Variants in GPR139 observed in about 807,000 individuals in gnomAD.
GPR139 encodes G protein-coupled receptor 139.
Under a neutral mutation model 25.8 loss-of-function variants are expected in GPR139, and 12 were observed. The observed-to-expected ratio is 0.47, with a 90% CI of 0.30 to 0.75. The LOEUF (loss-of-function observed/expected upper bound fraction) is 0.75. GPR139 is among the 30% of genes least tolerant of loss of function. The pLI, the probability that GPR139 is intolerant of heterozygous loss-of-function variation, is 0.07. For missense variants in GPR139, 380 were observed against 450.2 expected, an observed-to-expected ratio of 0.84 and a Z score of 1.41; for synonymous variants, 184 against 179.9, an observed-to-expected ratio of 1.02 and a Z score of -0.18.
intron 1 of GPR139, among the ~76,000 whole-genome samples, chr16:20,041,872 G>T (rs2057337835): frequency 6.6e-6 from 1 of 152,218 alleles, no homozygotes; most frequent in Non-Finnish European, 1.5e-5. Context: ...GTGGAGGTTA[G>T]GCAGTGGTAC....
chr16:20,056,989 G>T (rs1328214094), intron 1 of GPR139, among the ~76,000 whole-genome samples: 2 of 152,212 alleles, frequency 1.3e-5, no homozygotes, highest in African/African-American at 2.4e-5. Flanking sequence ...TGGGGAGAGG[G>T]TAATGGGGAT....
chr16:20,058,347 G>A (rs1426492890), intron 1 of GPR139, among the ~76,000 whole-genome samples: 2 of 152,100 alleles, frequency 1.3e-5, no homozygotes, highest in Non-Finnish European at 2.9e-5. Context: ...GTGTGTGTGT[G>A]TGTGTGTGTG....
At chr16:20,048,583 A>T (rs138917830) in intron 1 of GPR139, among the ~76,000 whole-genome samples, 119 of 152,342 alleles carry the variant, frequency 7.8e-4, no homozygotes, top group Admixed American at 2.6e-3. Context: ...ACTTCCGGTG[A>T]GCAGGATATC....
At chr16:20,039,061 A>C (rs1485296393) in intron 1 of GPR139, among the ~76,000 whole-genome samples, 2 of 152,230 alleles carry the variant, frequency 1.3e-5, no homozygotes, top group African/African-American at 4.8e-5. Context: ...TGCTTCTGAA[A>C]AGCAAATCCT....
chr16:20,067,009 A>T (rs1024652474), intron 1 of GPR139, among the ~76,000 whole-genome samples: 6 of 152,224 alleles, frequency 3.9e-5, no homozygotes, highest in African/African-American at 1.4e-4. Context: ...ACTTTCTTGC[A>T]GATGGGAAAA....
rs2057276880 is a variant in GPR139, at chr16:20,028,851, A to G, written c.*2884T>C. 6.6e-6 allele frequency among the ~76,000 whole-genome samples: 1 copy of G among 152,148 alleles called. No homozygotes were observed. Among genetic ancestry groups the G allele is most frequent in the Admixed American group, 6.5e-5 (1 of 15,268 alleles). ...TTTGAAAGAGGCACCACAAAAACCC[A>G]CGATAAGGCAATTGCTTTAGTGCCA... On this transcript the variant is annotated 3_prime_UTR_variant, in exon 2 of 2. Coordinates refer to ENST00000570682, the MANE Select transcript of GPR139 (RefSeq NM_001002911.4).
In GPR139 at chr16:20,029,119, T is replaced by C. The variant is rs931870209; in HGVS notation, c.*2616A>G. Among the ~76,000 whole-genome samples the C allele has an allele frequency of 6.6e-5, 10 of 152,274 alleles. No individual in the cohort carries two copies. Among genetic ancestry groups the C allele is most frequent in the African/African-American group, 2.4e-4 (10 of 41,560 alleles). On this transcript the variant is annotated 3_prime_UTR_variant, in exon 2 of 2. Coordinates refer to ENST00000570682, the MANE Select transcript of GPR139 (RefSeq NM_001002911.4). Reference sequence around the variant, plus strand: ...TTGCATTTTAAGCAGAAGACAGCAATTCACTACAGTGCCTTCAAGAATTGG... The same window carrying C: ...TTGCATTTTAAGCAGAAGACAGCAACTCACTACAGTGCCTTCAAGAATTGG...
In GPR139 at chr16:20,073,584, G is replaced by GGGC; in HGVS notation, c.32_33insGCC (p.Asn11delinsLysPro). ...CGGGGGACCACCAAGACAGCGAGCT[G>GGGC]TTGGCTGCGAGGTGGGCGTGCGTGT... On this transcript the variant is annotated protein_altering_variant, in exon 1 of 2. Coordinates refer to ENST00000570682, the MANE Select transcript of GPR139 (RefSeq NM_001002911.4). The surrounding 1 kb of genome is among the most constrained non-coding windows in gnomAD (Gnocchi z 4.7). 6.2e-7 allele frequency: 1 copy of GGGC among 1,611,346 alleles called. No homozygotes were observed. The highest frequency in any genetic ancestry group is 8.5e-7 in the Non-Finnish European group (1 of 1,179,018).
chr16:20,062,525 CATAAGCCCCCTA>C (rs2057417598), intron 1 of GPR139, among the ~76,000 whole-genome samples: 1 of 152,208 alleles, frequency 6.6e-6, no homozygotes, highest in African/African-American at 2.4e-5. Context: ...TTCTGTGGTA[CATAAGCCCCCTA>C]GTCTATGGTA....
At chr16:20,059,567 C>G (rs965817680) in intron 1 of GPR139, among the ~76,000 whole-genome samples, 23 of 152,144 alleles carry the variant, frequency 1.5e-4, no homozygotes, top group African/African-American at 5.6e-4. Context: ...GTCACCTTAC[C>G]TCGTATGGTC....
At chr16:20,041,399 A>T (rs2057335663) in intron 1 of GPR139, among the ~76,000 whole-genome samples, 1 of 151,140 alleles carries the variant, frequency 6.6e-6, no homozygotes, top group Admixed American at 6.6e-5. Context: ...CCAAGGATGG[A>T]TTTTTAGGAA....
rs147289121 is a variant in GPR139 at position 20,030,521 on chromosome 16, G to T, written c.*1214C>A. Among the ~76,000 whole-genome samples the T allele has an allele frequency of 5.3e-5, 8 of 152,322 alleles. No homozygotes were observed. The East Asian group carries it at 1.4e-3, about 26-fold the overall frequency. ...AATGTTCTTGCCTTGGACAGGCAAG[G>T]GTAGAATAAATAAACACACTTATAT... is the stretch of plus-strand genomic sequence containing the variant. On this transcript the variant is annotated 3_prime_UTR_variant, in exon 2 of 2. Transcript: ENST00000570682.
chr16:20,029,803 C>T lies in GPR139; in HGVS notation c.*1932G>A, dbSNP rs2057280843. Among the ~76,000 whole-genome samples the T allele has an allele frequency of 6.6e-6, 1 of 152,136 alleles. No individual in the cohort carries two copies. The highest frequency in any genetic ancestry group is 2.4e-5 in the African/African-American group (1 of 41,428). ...CTAATGTTCTCAGATACATTAGAATCACACAATATGGTCCCTAAATGAGAG... is the reference window on the plus strand; with the variant it reads ...CTAATGTTCTCAGATACATTAGAATTACACAATATGGTCCCTAAATGAGAG... On this transcript the variant is annotated 3_prime_UTR_variant, in exon 2 of 2. Coordinates refer to ENST00000570682, the MANE Select transcript of GPR139 (RefSeq NM_001002911.4).
intron 1 of GPR139, among the ~76,000 whole-genome samples, chr16:20,067,053 G>T (rs1194740053): frequency 2.0e-5 from 3 of 152,128 alleles, no homozygotes; most frequent in Non-Finnish European, 4.4e-5. Context: ...TTATACCTGC[G>T]ATCACACAGC....
At position 20,064,571 on chromosome 16, in the gene GPR139, A is replaced by C. The variant is rs549808294; in HGVS notation, c.127+8919T>G. ...AACAACAACAAAAGTTAAATAAGTTAATGCATTTGAAGTGTTTTGAAGCAT... is the reference window on the plus strand; with the variant it reads ...AACAACAACAAAAGTTAAATAAGTTCATGCATTTGAAGTGTTTTGAAGCAT... On this transcript the variant is annotated intron_variant, in intron 1 of 1. Transcript: ENST00000570682. 7.2e-5 allele frequency among the ~76,000 whole-genome samples: 11 copies of C among 152,322 alleles called. No individual in the cohort carries two copies. The East Asian group carries it at 2.1e-3, about 29-fold the overall frequency.
chr16:20,047,109 A>AT (rs112181101), intron 1 of GPR139, among the ~76,000 whole-genome samples: 124,242 of 148,444 alleles, frequency 0.84, 52,012 homozygotes, highest in East Asian at 0.96. Context: ...CTTCTTAGGG[A>AT]TTTTTTTTTT....
At chr16:20,057,185 G>C (rs2057391984) in intron 1 of GPR139, among the ~76,000 whole-genome samples, 2 of 152,188 alleles carry the variant, frequency 1.3e-5, no homozygotes, top group Admixed American at 6.5e-5. Context: ...GTGACGTGCA[G>C]GCCGGTCGCA....
At chr16:20,033,982 T>TTG (rs2057301120) in intron 1 of GPR139, among the ~76,000 whole-genome samples, 1 of 95,048 alleles carries the variant, frequency 1.1e-5, no homozygotes, top group South Asian at 3.2e-4. Context: ...TTCTGATCAG[T>TTG]TTTTTTTTTA....
At position 20,031,862 on chromosome 16, in the gene GPR139, T is replaced by C; in HGVS notation, c.935A>G (p.Gln312Arg). The part of the protein sequence containing the change: ...AFFKCQKQPV[Q>R]FYTNHNFSIT... ...GGAAAAGTTATGATTGGTGTAGAACTGTACAGGTTGCTTCTGGCACTTGAA... is the reference window on the plus strand; with the variant it reads ...GGAAAAGTTATGATTGGTGTAGAACCGTACAGGTTGCTTCTGGCACTTGAA... Residue 312 changes from glutamine to arginine, a missense_variant, in exon 2 of 2, where the codon CAG becomes CGG. Physicochemically the swap from Gln to Arg is conservative, Grantham distance 43 (BLOSUM62 1). Coordinates refer to ENST00000570682, the MANE Select transcript of GPR139 (RefSeq NM_001002911.4). The C allele has an allele frequency of 6.2e-7, 1 of 1,614,244 alleles. No homozygotes were observed. Among genetic ancestry groups the C allele is most frequent in the Non-Finnish European group, 8.5e-7 (1 of 1,180,048 alleles).
Sources: allele counts gnomAD v4.1 joint callset (sites outside exome capture counted in the v4.1 genomes callset), GRCh38; gene constraint gnomAD v4.1.1; non-coding constraint Gnocchi (gnomAD v3.1); transcripts MANE v1.5; gene names NCBI Gene and HGNC (gene_info 2026-07-23, HGNC 2026-07-21).